Variants in BRCA1 observed in about 807,000 individuals in gnomAD.
The protein encoded by BRCA1 is breast cancer type 1 susceptibility protein.
In BRCA1, 140 loss-of-function variants were observed where a neutral mutation model predicts 173.7. The observed-to-expected ratio is 0.81, with a 90% CI of 0.70 to 0.93. BRCA1 has a LOEUF of 0.93. Among genes scored for constraint, BRCA1 ranks in the 40% least tolerant of loss-of-function variants. The pLI, the probability that BRCA1 is intolerant of heterozygous loss-of-function variation, is 0.00. For missense variants in BRCA1, 1,983 were observed against 2,172.5 expected (o/e 0.91, Z 1.73); for synonymous variants, 662 against 756.0 (o/e 0.88, Z 2.04).
upstream of BRCA1, among the ~76,000 whole-genome samples, chr17:43,129,663 TG>T (rs1278057380): frequency 1.3e-5 from 2 of 151,836 alleles, no homozygotes; most frequent in African/African-American, 4.8e-5. Flanking sequence ...TTAGTAGAGA[TG>T]GGGGTTTCAC....
At chr17:43,097,872 T>C (rs1363288356) in intron 7 of BRCA1, among the ~76,000 whole-genome samples, 1 of 152,180 alleles carries the variant, frequency 6.6e-6, no homozygotes, top group Non-Finnish European at 1.5e-5. Flanking sequence ...GCCTGTTGTC[T>C]AGGAATTTAT....
chr17:43,152,535 A>G (rs1489099605), intron 1 of BRCA1, among the ~76,000 whole-genome samples: 1 of 152,064 alleles, frequency 6.6e-6, no homozygotes, highest in African/African-American at 2.4e-5. Context: ...CCTGGCCAAC[A>G]TGGTGAAACC....
At chr17:43,142,950 ATG>A (rs1163739976) in intron 1 of BRCA1, among the ~76,000 whole-genome samples, 16 of 134,896 alleles carry the variant, frequency 1.2e-4, no homozygotes, top group South Asian at 8.2e-4. Context: ...GTATATATAT[ATG>A]TGTGTGTGTG....
intron 3 of BRCA1, 105 bp downstream of exon 3, chr17:43,115,621 A>T: frequency 8.7e-7 from 1 of 1,145,142 alleles, no homozygotes; most frequent in Non-Finnish European, 1.3e-6. Flanking sequence ...TTTCGTTCTC[A>T]CTTAATTGAA....
At position 43,124,053 on chromosome 17, in the gene BRCA1, A is replaced by G. The variant is rs80357316; in HGVS notation, c.44T>C (p.Ile15Thr). 1 of 1,613,870 alleles carries G rather than the reference A, an allele frequency of 6.2e-7. No individual in the cohort carries two copies. Among genetic ancestry groups the G allele is most frequent in the Non-Finnish European group, 8.5e-7 (1 of 1,179,812 alleles). ...CTCTAAGATTTTCTGCATAGCATTA[A>G]TGACATTTTGTACTTCTTCAACGCG... ...ALRVEEVQNV[I>T]NAMQKILECP... The change falls in exon 2 of 23, where the codon ATT becomes ACT. Residue 15 changes from isoleucine to threonine, a missense_variant. Transcript: ENST00000357654.
At position 43,125,270 on chromosome 17, in the gene BRCA1, C is replaced by G. The variant is rs769633464; in HGVS notation, c.-20+1G>C. 2.2e-6 allele frequency: 1 copy of G among 456,262 alleles called. No individual in the cohort carries two copies. 28.3% of individuals were successfully genotyped at this position (456,262 alleles called of 1,614,324 possible). A position where few individuals can be genotyped will look rare whatever the true frequency, so the allele number is the denominator to read the frequency against. On this transcript the variant is annotated splice_donor_variant, in intron 1 of 22. Coordinates refer to ENST00000357654, the MANE Select transcript of BRCA1 (RefSeq NM_007294.4). LOFTEE classifies it low-confidence loss of function (5UTR_SPLICE). The stretch of plus-strand genomic sequence containing the variant: ...CTGTCCCTTTCCCGGGACTCTACTA[C>G]CTTTACCCAGAGCAGAGGGTGAAGG...
At chr17:43,164,441 CA>C (rs1157149546) in intron 1 of BRCA1, 15 of 152,288 alleles carry the variant, frequency 9.8e-5, no homozygotes, top group African/African-American at 3.6e-4. Flanking sequence ...TTTGACTTGG[CA>C]AGTCCCCACA....
At chr17:43,046,220 GC>G (rs1279898145) in intron 22 of BRCA1, among the ~76,000 whole-genome samples, 1 of 135,464 alleles carries the variant, frequency 7.4e-6, no homozygotes. Context: ...ACTGCACCTG[GC>G]CTTTTTTTTT....
intron 1 of BRCA1, among the ~76,000 whole-genome samples, chr17:43,150,801 C>T (rs1195719637): frequency 1.3e-5 from 2 of 152,124 alleles, no homozygotes; most frequent in Admixed American, 6.6e-5. Flanking sequence ...AAATGTGCAG[C>T]TTTGCACAGT....
At chr17:43,138,898 T>C (rs1303147985) in intron 1 of BRCA1, 3 of 778,884 alleles carry the variant, frequency 3.9e-6, no homozygotes, top group South Asian at 2.7e-5. Flanking sequence ...TCCTGACTTC[T>C]TCCATCCTCT....
rs567172573 is a variant in BRCA1 at position 43,048,391 on chromosome 17, C to T, written c.5407-688G>A. ...CTAATTTTTGTATTTTTAGTAGAGA[C>T]GGGGTTTCGCCATGTTGGTTGGCCA... On this transcript the variant is annotated intron_variant, in intron 21 of 22. Transcript: ENST00000357654. 1.1e-4 allele frequency among the ~76,000 whole-genome samples: 17 copies of T among 152,082 alleles called. No homozygotes were observed. In the South Asian group the frequency reaches 1.7e-3, roughly 15 times the overall value.
intron 7 of BRCA1, among the ~76,000 whole-genome samples, chr17:43,099,046 C>G (rs1036715881): frequency 1.3e-5 from 2 of 149,458 alleles, no homozygotes; most frequent in African/African-American, 4.9e-5. Flanking sequence ...TGGTCTTGAA[C>G]TCCCGACCTC....
Position 43,066,655 on chromosome 17 carries a change from C to T in BRCA1, c.5074+953G>A, listed in dbSNP as rs147403353. Reference sequence around the variant, plus strand: ...CGAACTCCTGACCTTGTGATCTGCCCGCCTCAGGCTCCCAAAGTGCTGGGA... The same window carrying T: ...CGAACTCCTGACCTTGTGATCTGCCTGCCTCAGGCTCCCAAAGTGCTGGGA... On this transcript the variant is annotated intron_variant, in intron 16 of 22. Coordinates refer to ENST00000357654, the MANE Select transcript of BRCA1 (RefSeq NM_007294.4). Among the ~76,000 whole-genome samples, 786 of 151,628 alleles carry T rather than the reference C, an allele frequency of 5.2e-3. 1 individual carries two copies. The highest frequency in any genetic ancestry group is 8.1e-3 in the Non-Finnish European group (551 of 67,928).
chr17:43,135,924 C>T (rs1456310408), intron 1 of BRCA1, among the ~76,000 whole-genome samples: 1 of 152,220 alleles, frequency 6.6e-6, no homozygotes. Context: ...CCCTGCTCAC[C>T]TCCAGCTGAA....
intron 12 of BRCA1, chr17:43,079,209 G>T: frequency 1.3e-6 from 1 of 758,910 alleles, no homozygotes; most frequent in Non-Finnish European, 2.2e-6. Context: ...CAAAAAAAAT[G>T]AAAGGCAGAG....
At chr17:43,099,608 G>A (rs1455363291) in intron 7 of BRCA1, among the ~76,000 whole-genome samples, 167 bp downstream of exon 7, 1 of 151,994 alleles carries the variant, frequency 6.6e-6, no homozygotes, top group Non-Finnish European at 1.5e-5. Context: ...TCTTCAAGGT[G>A]GGAACTGCGT....
intron 1 of BRCA1, among the ~76,000 whole-genome samples, chr17:43,146,696 A>T (rs1597939132): frequency 6.6e-6 from 1 of 152,248 alleles, no homozygotes; most frequent in East Asian, 1.9e-4. Context: ...TGAAAGAAAA[A>T]AAAAGAAAAA....
intron 18 of BRCA1, among the ~76,000 whole-genome samples, chr17:43,057,491 A>G (rs541337178): frequency 6.6e-6 from 1 of 151,510 alleles, no homozygotes; most frequent in Admixed American, 6.6e-5. Flanking sequence ...AGCCTGGGTA[A>G]CAGAGCGAGA....
intron 18 of BRCA1, among the ~76,000 whole-genome samples, chr17:43,058,682 TTCCC>T (rs1296129550): frequency 1.3e-5 from 2 of 152,186 alleles, no homozygotes; most frequent in Admixed American, 1.3e-4. Context: ...AACTGAAAAA[TTCCC>T]TATCTCCTAA....
Sources: allele counts gnomAD v4.1 joint callset (sites outside exome capture counted in the v4.1 genomes callset), GRCh38; gene constraint gnomAD v4.1.1; transcripts MANE v1.5; gene names NCBI Gene and HGNC (gene_info 2026-07-23, HGNC 2026-07-21).